Variants in KALRN observed in about 807,000 individuals in gnomAD.
KALRN encodes the protein kalirin.
Under a neutral mutation model 353.7 loss-of-function variants are expected in KALRN, and 70 were observed. That is an observed-to-expected ratio of 0.20 (90% confidence interval 0.16 to 0.24). The LOEUF (loss-of-function observed/expected upper bound fraction) is 0.24. KALRN is among the 10% of genes least tolerant of loss of function. The pLI, the probability that KALRN is intolerant of heterozygous loss-of-function variation, is 1.00. For synonymous variants in KALRN, 1,391 were observed against 1,434.8 expected (o/e 0.97, Z 0.69); for missense variants, 2,791 against 3,756.7 (o/e 0.74, Z 6.72).
chr3:124,224,405 A>G (rs112389758), intron 1 of KALRN, among the ~76,000 whole-genome samples: 84 of 152,144 alleles, frequency 5.5e-4, no homozygotes, highest in African/African-American at 2.0e-3. Context: ...AAAAAATCTC[A>G]TAATGTTTTA....
At chr3:124,659,602 G>C in intron 43 of KALRN, 145 bp downstream of exon 43, 1 of 598,430 alleles carries the variant, frequency 1.7e-6, no homozygotes, top group East Asian at 2.8e-5. Flanking sequence ...GTAGGGACGT[G>C]GGAACTTTTA....
intron 34 of KALRN, among the ~76,000 whole-genome samples, chr3:124,576,523 G>A (rs1220941863): frequency 1.3e-5 from 2 of 152,204 alleles, no homozygotes; most frequent in African/African-American, 2.4e-5. Flanking sequence ...AGTCCTGATT[G>A]AGGAAGTCTT....
chr3:124,404,166 AAAAGAG>A (rs1260641040), intron 13 of KALRN, among the ~76,000 whole-genome samples: 1 of 151,718 alleles, frequency 6.6e-6, no homozygotes, highest in African/African-American at 2.4e-5. Flanking sequence ...AAAAAAAAAA[AAAAGAG>A]AGAACTAGTC....
chr3:124,563,256 G>A (rs73189578), intron 34 of KALRN, among the ~76,000 whole-genome samples, 167 bp downstream of exon 34: 13,550 of 152,196 alleles, frequency 0.089, 759 homozygotes, highest in South Asian at 0.12. Flanking sequence ...AACTTGGAGA[G>A]GAAGAGCTCC....
intron 34 of KALRN, among the ~76,000 whole-genome samples, chr3:124,608,088 A>G (rs1425577546): frequency 1.3e-5 from 2 of 149,160 alleles, no homozygotes; most frequent in Non-Finnish European, 3.0e-5. Context: ...GGCTCACTCC[A>G]GCCTCTGCCT....
intron 10 of KALRN, among the ~76,000 whole-genome samples, chr3:124,365,632 C>T (rs1031796089): frequency 3.9e-5 from 6 of 152,208 alleles, no homozygotes; most frequent in Admixed American, 3.3e-4. Context: ...CTGAGTGTTA[C>T]CTGTTATCCC....
intron 1 of KALRN, among the ~76,000 whole-genome samples, chr3:124,098,470 G>A (rs916648524): frequency 3.3e-5 from 5 of 152,188 alleles, no homozygotes; most frequent in African/African-American, 1.2e-4. Flanking sequence ...CTTGGCCCCA[G>A]TATGTCTCCA....
intron 51 of KALRN, among the ~76,000 whole-genome samples, chr3:124,686,426 C>G (rs1353668588): frequency 6.6e-6 from 1 of 152,134 alleles, no homozygotes; most frequent in Non-Finnish European, 1.5e-5. Context: ...TCCCAGGGAG[C>G]CTATGAGTGT....
At position 124,165,164 on chromosome 3, in the gene KALRN, C is replaced by T. The variant is rs1250179344; in HGVS notation, c.74-62826C>T. 3.9e-5 allele frequency among the ~76,000 whole-genome samples: 6 copies of T among 152,192 alleles called. No individual in the cohort carries two copies. In the East Asian group the frequency reaches 1.2e-3, roughly 29 times the overall value. On this transcript the variant is annotated intron_variant, in intron 1 of 59. Coordinates refer to ENST00000682506, the MANE Select transcript of KALRN (RefSeq NM_001388419.1). ...AACACAAGTAATTAATTTGTCATCACTGCTTGAACATATTATACTTTACTG... is the reference window on the plus strand; with the variant it reads ...AACACAAGTAATTAATTTGTCATCATTGCTTGAACATATTATACTTTACTG...
At chr3:124,312,028 G>C (rs983549976) in intron 6 of KALRN, among the ~76,000 whole-genome samples, 1 of 152,142 alleles carries the variant, frequency 6.6e-6, no homozygotes, top group Non-Finnish European at 1.5e-5. Flanking sequence ...ATATCTAATA[G>C]GTACAGAGTT....
At chr3:124,221,552 G>C (rs1367834389) in intron 1 of KALRN, among the ~76,000 whole-genome samples, 1 of 152,140 alleles carries the variant, frequency 6.6e-6, no homozygotes, top group African/African-American at 2.4e-5. Flanking sequence ...TTGATGGGGA[G>C]GCCAGGGAAA....
chr3:124,253,686 G>C, intron 3 of KALRN, among the ~76,000 whole-genome samples: 1 of 152,160 alleles, frequency 6.6e-6, no homozygotes, highest in East Asian at 1.9e-4. Context: ...CACCTTCCCT[G>C]GACATCCTAG....
chr3:124,420,726 A>T (rs978944401), intron 14 of KALRN, among the ~76,000 whole-genome samples: 2 of 152,202 alleles, frequency 1.3e-5, no homozygotes, highest in African/African-American at 4.8e-5. Context: ...ACACCAGAAA[A>T]AAAAGGTGTT....
chr3:124,131,737 A>G (rs191294633), intron 1 of KALRN, among the ~76,000 whole-genome samples: 3 of 152,326 alleles, frequency 2.0e-5, no homozygotes, highest in Middle Eastern at 3.4e-3. Context: ...GGAGGTCAGC[A>G]TCACATGCTT....
chr3:124,407,561 T>C (rs2091702147), intron 13 of KALRN: 1 of 152,188 alleles, frequency 6.6e-6, no homozygotes. Flanking sequence ...TGCAGATGTG[T>C]TTCCTATTCA....
intron 6 of KALRN, among the ~76,000 whole-genome samples, chr3:124,301,657 G>C (rs1346273980): frequency 1.3e-5 from 2 of 152,130 alleles, no homozygotes; most frequent in Non-Finnish European, 1.5e-5. Context: ...GGTGAAAAGA[G>C]GGAATTACAG....
At chr3:124,149,601 T>A (rs1248252959) in intron 1 of KALRN, among the ~76,000 whole-genome samples, 1 of 152,220 alleles carries the variant, frequency 6.6e-6, no homozygotes, top group African/African-American at 2.4e-5. Context: ...GTTCTATCCA[T>A]GCTATGGAAC....
At chr3:124,381,753 C>T (rs1399804878) in intron 10 of KALRN, among the ~76,000 whole-genome samples, 3 of 152,182 alleles carry the variant, frequency 2.0e-5, no homozygotes, top group Admixed American at 1.3e-4. Context: ...ATGCCTATTG[C>T]ATACCAGCCA....
intron 1 of KALRN, among the ~76,000 whole-genome samples, chr3:124,148,525 A>T (rs930194316): frequency 6.6e-6 from 1 of 152,238 alleles, no homozygotes; most frequent in East Asian, 1.9e-4. Flanking sequence ...CCTGGAAATC[A>T]GATGCTTTTC....
Sources: gnomAD v4.1 joint callset for allele counts (sites outside exome capture counted in the v4.1 genomes callset) on GRCh38, gnomAD v4.1.1 for gene constraint, MANE v1.5 for transcripts, NCBI Gene and HGNC (gene_info 2026-07-23, HGNC 2026-07-21) for gene names.